NOTCH1: variants seen among roughly 807,000 people sequenced by gnomAD.
NOTCH1 encodes the protein notch receptor 1, also known as neurogenic locus notch homolog protein 1.
A neutral mutation model predicts 254.8 loss-of-function variants in NOTCH1; 37 were observed. The ratio of observed to expected loss-of-function variants is 0.15; its 90% CI spans 0.11 to 0.19. The LOEUF (loss-of-function observed/expected upper bound fraction) is 0.19, where lower values mean the gene tolerates loss of function less well. Ranked by LOEUF, NOTCH1 falls within the 10% of genes least tolerant of loss-of-function variation. The probability of loss-of-function intolerance (pLI) is 1.00; values close to 1 mark genes in which losing one functional copy is unlikely to be tolerated. For missense variants in NOTCH1, 2,972 were observed against 3,708.6 expected (o/e 0.80, Z 5.16); for synonymous variants, 1,731 against 1,618.1 (o/e 1.07, Z -1.68).
At chr9:136,535,756 G>A (rs1589080098) in intron 2 of NOTCH1, among the ~76,000 whole-genome samples, 1 of 43,382 alleles carries the variant, frequency 2.3e-5, no homozygotes, top group African/African-American at 7.8e-5. Flanking sequence ...GATCCCTCCC[G>A]GGGCAATGAG....
In NOTCH1 at chr9:136,517,734, T is replaced by C. The variant is rs760171880; in HGVS notation, c.1441+18A>G. On this transcript the variant is annotated intron_variant, in intron 8 of 33. Coordinates refer to ENST00000651671, the MANE Select transcript of NOTCH1 (RefSeq NM_017617.5). Reference sequence around the variant, plus strand: ...CCAGCCTCGACTCGGTTTCCCGCCCTGGCCCCGGCCGACGCACCGGGCATG... The same window carrying C: ...CCAGCCTCGACTCGGTTTCCCGCCCCGGCCCCGGCCGACGCACCGGGCATG... 14 of 1,612,292 alleles carry C rather than the reference T, an allele frequency of 8.7e-6. No individual in the cohort carries two copies. The highest frequency in any genetic ancestry group is 1.3e-5 in the African/African-American group (1 of 74,892).
At chr9:136,501,415 C>T (rs1174743473) in intron 30 of NOTCH1, among the ~76,000 whole-genome samples, 7 of 146,398 alleles carry the variant, frequency 4.8e-5, no homozygotes, top group East Asian at 4.0e-4. Context: ...GCCTGGGTGA[C>T]GGAGCGAGAC....
At chr9:136,541,968 A>AG (rs1243239493) in intron 2 of NOTCH1, among the ~76,000 whole-genome samples, 1 of 152,208 alleles carries the variant, frequency 6.6e-6, no homozygotes, top group Non-Finnish European at 1.5e-5. Context: ...GCCCCAGCAA[A>AG]GGGGACAAGG....
intron 2 of NOTCH1, among the ~76,000 whole-genome samples, chr9:136,532,068 G>A (rs369913028): frequency 6.6e-5 from 10 of 152,210 alleles, no homozygotes; most frequent in African/African-American, 1.9e-4. Context: ...ATCACCGGGC[G>A]CCTGGGATTA....
In NOTCH1 at chr9:136,508,391, G is replaced by C. The variant is rs1373248002; in HGVS notation, c.3172-6C>G. 1 of 1,613,170 alleles carries C rather than the reference G, an allele frequency of 6.2e-7. No individual in the cohort carries two copies. The highest frequency in any genetic ancestry group is 8.5e-7 in the Non-Finnish European group (1 of 1,179,996). On this transcript the variant is annotated splice_polypyrimidine_tract_variant and splice_region_variant and intron_variant, in intron 19 of 33. Transcript: ENST00000651671. ...TCACACCAGTGCACAAGGTTCTGGG[G>C]ACAGATTGGGGTCAGCTGGGTGCCC...
chr9:136,517,182 C>G, intron 9 of NOTCH1, 90 bp downstream of exon 9: 4 of 830,700 alleles, frequency 4.8e-6, no homozygotes, highest in Non-Finnish European at 5.8e-6. Flanking sequence ...GCAGATGGCC[C>G]GGGGGCAGGG....
intron 5 of NOTCH1, among the ~76,000 whole-genome samples, 156 bp downstream of exon 5, chr9:136,519,287 T>C (rs910454244): frequency 1.6e-4 from 24 of 152,198 alleles, no homozygotes; most frequent in African/African-American, 5.8e-4. Flanking sequence ...CCACGGGAAG[T>C]GGGGCCCCCA....
At position 136,496,730 on chromosome 9, in the gene NOTCH1, T is replaced by C; in HGVS notation, c.7009A>G (p.Thr2337Ala). 6.2e-7 allele frequency: 1 copy of C among 1,612,780 alleles called. No homozygotes were observed. ...CCATGCTGCAGGGAGGGGGCCTGTG[T>C]GCTCAGGGGGCCTGGTGCCACACTC... ...RGSVAPGPLSTQAPSLQHGMV... is the reference protein window; with the variant it reads ...RGSVAPGPLSAQAPSLQHGMV... Residue 2337 changes from threonine (T) to alanine (A), a missense_variant, in exon 34 of 34, where the codon ACA (threonine) becomes GCA (alanine). By Grantham distance (58) the Thr-to-Ala change is moderately conservative (BLOSUM62 0). This residue lies in a region of NOTCH1 where 529 missense variants were observed against 529.2 expected (regional missense o/e 1.00). Coordinates refer to ENST00000651671, the MANE Select transcript of NOTCH1 (RefSeq NM_017617.5).
At position 136,496,506 on chromosome 9, in the gene NOTCH1, T is replaced by TGGC. The variant is rs750907065; in HGVS notation, c.7230_7232dup (p.Pro2415dup). 7.5e-6 allele frequency: 12 copies of TGGC among 1,602,608 alleles called. No individual in the cohort carries two copies. The East Asian group carries it at 1.6e-4, about 21-fold the overall frequency. On this transcript the variant is annotated inframe_insertion, in exon 34 of 34. Coordinates refer to ENST00000651671, the MANE Select transcript of NOTCH1 (RefSeq NM_017617.5). ...CAAGGTGCGGCTGTGGTGGTGGTGG[T>TGGC]GGCGGCTGCAGGCTTTGCTGCTGCT...
chr9:136,500,348 G>A (rs566346013), intron 31 of NOTCH1, among the ~76,000 whole-genome samples: 1 of 152,232 alleles, frequency 6.6e-6, no homozygotes, highest in African/African-American at 2.4e-5. Context: ...GCCTCTGCCT[G>A]ACTTCCCTGG....
rs1843090632 is a variant in NOTCH1, at chr9:136,506,664, G to A, written c.3902-25C>T. On this transcript the variant is annotated intron_variant, in intron 23 of 33. Coordinates refer to ENST00000651671, the MANE Select transcript of NOTCH1 (RefSeq NM_017617.5). The surrounding 1 kb of genome is among the most constrained non-coding windows in gnomAD (Gnocchi z 4.5). Reference sequence around the variant, plus strand: ...CCTAGGGGTAAGAGCAGGGCAGTGAGAGGCTCACCCTGCTGCCCCACACGC... The same window carrying A: ...CCTAGGGGTAAGAGCAGGGCAGTGAAAGGCTCACCCTGCTGCCCCACACGC... 1.9e-6 allele frequency: 3 copies of A among 1,600,034 alleles called. No individual in the cohort carries two copies. The highest frequency in any genetic ancestry group is 2.6e-6 in the Non-Finnish European group (3 of 1,174,182).
At chr9:136,535,934 G>C (rs1225695491) in intron 2 of NOTCH1, among the ~76,000 whole-genome samples, 1 of 135,000 alleles carries the variant, frequency 7.4e-6, no homozygotes, top group Admixed American at 7.5e-5. Flanking sequence ...TGAGTGCAGG[G>C]TGGGTGGAGA....
Position 136,510,818 on chromosome 9 carries a change from A to G in NOTCH1, c.2588-13T>C, listed in dbSNP as rs2133353697. 2.5e-6 allele frequency: 4 copies of G among 1,606,876 alleles called. No individual in the cohort carries two copies. Among genetic ancestry groups the G allele is most frequent in the Non-Finnish European group, 3.4e-6 (4 of 1,179,742 alleles). On this transcript the variant is annotated splice_polypyrimidine_tract_variant and intron_variant, in intron 16 of 33. Coordinates refer to ENST00000651671, the MANE Select transcript of NOTCH1 (RefSeq NM_017617.5). Reference sequence around the variant, plus strand: ...TCACAGGTCTGCCCTGCGGGGCAGGAGGAGGCCGGTTGGTCACCAGCGGCC... The same window carrying G: ...TCACAGGTCTGCCCTGCGGGGCAGGGGGAGGCCGGTTGGTCACCAGCGGCC...
chr9:136,523,594 G>A, intron 3 of NOTCH1, 123 bp downstream of exon 3: 1 of 1,282,572 alleles, frequency 7.8e-7, no homozygotes, highest in Non-Finnish European at 1.1e-6. Context: ...CCTGGGGCAG[G>A]GGCTCCCAAT....
chr9:136,505,359 C>T lies in NOTCH1; in HGVS notation c.4537G>A (p.Gly1513Ser), dbSNP rs765844768. Reference protein sequence around the residue: ...GHCDSQCNSAGCLFDGFDCQR... With the variant: ...GHCDSQCNSASCLFDGFDCQR... ...CAGTCAAAGCCGTCGAAGAGGCAGC[C>T]GGCTGAGTTGCACTGGCTGTCACAG... Residue 1513 changes from glycine (G) to serine (S), a missense_variant, in exon 25 of 34, where the codon GGC (glycine) becomes AGC (serine). Gly to Ser is a moderately conservative substitution (Grantham distance 56, BLOSUM62 0). Transcript: ENST00000651671. The T allele has an allele frequency of 3.2e-5, 51 of 1,607,084 alleles. No homozygotes were observed. The highest frequency in any genetic ancestry group is 2.0e-4 in the African/African-American group (15 of 74,846).
rs1842898724 is a variant in NOTCH1 at position 136,495,239 on chromosome 9, C to T, written c.*832G>A. On this transcript the variant is annotated 3_prime_UTR_variant, in exon 34 of 34. Coordinates refer to ENST00000651671, the MANE Select transcript of NOTCH1 (RefSeq NM_017617.5). Reference sequence around the variant, plus strand: ...CACAGTCCACACATCTCATGTTTGACATGCATGATGCCTACATTTCAAGAA... The same window carrying T: ...CACAGTCCACACATCTCATGTTTGATATGCATGATGCCTACATTTCAAGAA... 1 of 399,072 alleles carries T rather than the reference C, an allele frequency of 2.5e-6. No individual in the cohort carries two copies. Among genetic ancestry groups the T allele is most frequent in the East Asian group, 3.5e-5 (1 of 28,224 alleles). 24.7% of individuals were successfully genotyped at this position (399,072 alleles called of 1,614,324 possible).
In NOTCH1 at chr9:136,511,237, G is replaced by A. The variant is rs2133354869; in HGVS notation, c.2502C>T (p.Ala834=). The part of the protein sequence containing the change: ...ATCEVVLAPC[A]PSPCRNGGEC... Reference sequence around the variant, plus strand: ...CCCCGCCGTTTCTGCAGGGGCTGGGGGCACACGGGGCCAGCACCACCTCAC... The same window carrying A: ...CCCCGCCGTTTCTGCAGGGGCTGGGAGCACACGGGGCCAGCACCACCTCAC... Residue 834 remains alanine, a synonymous_variant, in exon 16 of 34, where the codon GCC becomes GCT. Transcript: ENST00000651671. 6.2e-7 allele frequency: 1 copy of A among 1,612,600 alleles called. No homozygotes were observed. The highest frequency in any genetic ancestry group is 8.5e-7 in the Non-Finnish European group (1 of 1,179,954).
rs1208829487 is a variant in NOTCH1, at chr9:136,522,980, G to A, written c.612C>T (p.Cys204=). Residue 204 remains cysteine, a synonymous_variant, in exon 4 of 34, where the codon TGC becomes TGT. Coordinates refer to ENST00000651671, the MANE Select transcript of NOTCH1 (RefSeq NM_017617.5). The part of the protein sequence containing the change: ...TCHNEVGSYR[C]VCRATHTGPN... ...GGCCAGTGTGGGTGGCGCGGCAGAC[G>A]CAGCGGTAGGAGCCGACCTCGTTGT... 29 of 1,558,526 alleles carry A rather than the reference G, an allele frequency of 1.9e-5. No homozygotes were observed. The highest frequency in any genetic ancestry group is 3.5e-5 in the South Asian group (3 of 84,852).
At chr9:136,500,434 T>C in intron 31 of NOTCH1, 118 bp downstream of exon 31, 2 of 1,282,506 alleles carry the variant, frequency 1.6e-6, no homozygotes, top group Non-Finnish European at 2.2e-6. Context: ...GCACCAGTTG[T>C]CCCGGACTCA....
Sources: gnomAD v4.1 joint callset for allele counts (sites outside exome capture counted in the v4.1 genomes callset) on GRCh38, gnomAD v4.1.1 for gene constraint, gnomAD v4.1.1 regional missense constraint, Gnocchi (gnomAD v3.1) non-coding constraint, MANE v1.5 for transcripts, NCBI Gene and HGNC (gene_info 2026-07-23, HGNC 2026-07-21) for gene names.